PLPPR5: variants seen among roughly 807,000 people sequenced by gnomAD.
The protein encoded by PLPPR5 is phospholipid phosphatase-related protein type 5.
Under a neutral mutation model 33.9 loss-of-function variants are expected in PLPPR5, and 16 were observed. The observed-to-expected ratio is 0.47, with a 90% CI of 0.32 to 0.72. The LOEUF (loss-of-function observed/expected upper bound fraction) is 0.72. PLPPR5 is among the 30% of genes least tolerant of loss of function. The pLI, the probability that PLPPR5 is intolerant of heterozygous loss-of-function variation, is 0.03. For synonymous variants in PLPPR5, 163 were observed against 150.3 expected, an observed-to-expected ratio of 1.08 and a Z score of -0.62; for missense variants, 301 against 406.7, an observed-to-expected ratio of 0.74 and a Z score of 2.23.
At chr1:98,992,562 T>A (rs1021049269) in intron 1 of PLPPR5, among the ~76,000 whole-genome samples, 1 of 152,134 alleles carries the variant, frequency 6.6e-6, no homozygotes, top group Non-Finnish European at 1.5e-5. Context: ...TTATATCCAC[T>A]TGTAGCAAGT....
intron 3 of PLPPR5, among the ~76,000 whole-genome samples, chr1:98,940,058 A>T (rs1650317554): frequency 6.6e-6 from 1 of 151,922 alleles, no homozygotes. Context: ...AATGTAGTCT[A>T]ATATGGACTG....
intron 4 of PLPPR5, among the ~76,000 whole-genome samples, chr1:98,921,426 G>A (rs1649547995): frequency 1.3e-5 from 2 of 152,058 alleles, no homozygotes; most frequent in African/African-American, 4.8e-5. Context: ...AGGGGACTTT[G>A]GGATTCTCTC....
chr1:98,944,861 G>C (rs1056615322), intron 3 of PLPPR5, among the ~76,000 whole-genome samples: 4 of 152,176 alleles, frequency 2.6e-5, no homozygotes, highest in Non-Finnish European at 1.5e-5. Flanking sequence ...GCTCCAGTGG[G>C]AGCATCGCAA....
At chr1:98,973,054 C>G (rs977816083) in intron 1 of PLPPR5, among the ~76,000 whole-genome samples, 2 of 152,044 alleles carry the variant, frequency 1.3e-5, no homozygotes, top group African/African-American at 4.8e-5. Context: ...GAAGAGACAC[C>G]TGGATCTTTG....
intron 3 of PLPPR5, among the ~76,000 whole-genome samples, chr1:98,924,245 T>C (rs1385465017): frequency 6.6e-6 from 1 of 152,218 alleles, no homozygotes; most frequent in Non-Finnish European, 1.5e-5. Flanking sequence ...GTTACCTCCA[T>C]TTTATAGGTT....
At chr1:98,918,361 C>A (rs984628089) in intron 4 of PLPPR5, among the ~76,000 whole-genome samples, 2 of 152,178 alleles carry the variant, frequency 1.3e-5, no homozygotes, top group Non-Finnish European at 2.9e-5. Context: ...GTAAAGAGCA[C>A]AATAACTATT....
chr1:98,978,023 A>G (rs189662640), intron 1 of PLPPR5, among the ~76,000 whole-genome samples: 3 of 152,156 alleles, frequency 2.0e-5, no homozygotes, highest in Admixed American at 2.0e-4. Context: ...GACTTTAGAT[A>G]AAAGTCGTAA....
At chr1:98,966,404 G>T (rs967914805) in intron 1 of PLPPR5, among the ~76,000 whole-genome samples, 1 of 152,232 alleles carries the variant, frequency 6.6e-6, no homozygotes, top group African/African-American at 2.4e-5. Flanking sequence ...TGTAAATAGG[G>T]CTTAGGTTTT....
intron 1 of PLPPR5, among the ~76,000 whole-genome samples, chr1:98,990,170 A>G (rs1227867536): frequency 6.6e-6 from 1 of 152,108 alleles, no homozygotes; most frequent in Non-Finnish European, 1.5e-5. Context: ...GGAGTTTGAG[A>G]CCAGCCTGGC....
chr1:98,943,132 C>T (rs1449469190), intron 3 of PLPPR5, among the ~76,000 whole-genome samples: 4 of 152,068 alleles, frequency 2.6e-5, no homozygotes, highest in Admixed American at 6.6e-5. Flanking sequence ...CGGGGAGCCA[C>T]GAGACTACCT....
In PLPPR5 at chr1:98,951,655, G is replaced by A. The variant is rs374181958; in HGVS notation, c.621+1415C>T. On this transcript the variant is annotated intron_variant, in intron 3 of 5. Transcript: ENST00000263177. ...ATTATCCTGCCATTGTAAATGTTAC[G>A]TGTAATGCTGTATTTCCTTCCTAAA... 2.2e-4 allele frequency among the ~76,000 whole-genome samples: 33 copies of A among 152,258 alleles called. No individual in the cohort carries two copies. In the East Asian group the frequency reaches 4.6e-3, roughly 21 times the overall value.
At chr1:98,957,177 G>A (rs1472123872) in intron 1 of PLPPR5, among the ~76,000 whole-genome samples, 2 of 147,688 alleles carry the variant, frequency 1.4e-5, no homozygotes, top group Non-Finnish European at 3.0e-5. Context: ...CACACTCTGG[G>A]GACTGTTGTG....
rs1214385487 is a variant in PLPPR5, at chr1:98,899,655, C to CTTTTTTTTTTTTTTTTTTTTT, written c.934-6552_934-6551insAAAAAAAAAAAAAAAAAAAAA. Among the ~76,000 whole-genome samples the CTTTTTTTTTTTTTTTTTTTTT allele has an allele frequency of 2.2e-5, 3 of 138,568 alleles. 1 individual carries two copies. The allele number at this position is 138,568 out of a possible 152,430, so 90.9% of individuals were successfully genotyped here. On this transcript the variant is annotated intron_variant, in intron 5 of 5. Coordinates refer to ENST00000263177, the MANE Select transcript of PLPPR5 (RefSeq NM_001037317.2). ...CTTCAGAAAATACCTGTTTATTTCA[C>CTTTTTTTTTTTTTTTTTTTTT]TTGTTTTTTTTTTTTTTTTTTGAGA...
rs60624111 is a variant in PLPPR5, at chr1:98,928,548, C to CATATATAT, written c.622-6498_622-6491dup. 5.9e-3 allele frequency among the ~76,000 whole-genome samples: 439 copies of CATATATAT among 73,866 alleles called. 39 individuals carry two copies. The highest frequency in any genetic ancestry group is 8.8e-3 in the African/African-American group (218 of 24,794). The allele number at this position is 73,866 out of a possible 152,430, so 48.5% of individuals were successfully genotyped here. A position where few individuals can be genotyped will look rare whatever the true frequency, so the allele number is the denominator to read the frequency against. ...AAAAAACTATTAGAAAGTTTTAAAT[C>CATATATAT]ATATATATATATATATATATATATG... is the stretch of plus-strand genomic sequence containing the variant. On this transcript the variant is annotated intron_variant, in intron 3 of 5. Coordinates refer to ENST00000263177, the MANE Select transcript of PLPPR5 (RefSeq NM_001037317.2).
intron 5 of PLPPR5, among the ~76,000 whole-genome samples, chr1:98,898,942 G>A (rs930812154): frequency 1.6e-4 from 24 of 152,158 alleles, no homozygotes; most frequent in African/African-American, 5.1e-4. Context: ...CAGTTTTTAC[G>A]AGAGCATTAG....
rs1648886483 is a variant in PLPPR5, at chr1:98,906,123, T to C, written c.933+8663A>G. 2.0e-5 allele frequency among the ~76,000 whole-genome samples: 3 copies of C among 151,716 alleles called. No homozygotes were observed. In the South Asian group the frequency reaches 6.2e-4, roughly 31 times the overall value. ...ATATACAGTGTATGTATATATACAG[T>C]GTGTGTAATACTATATACCTAGTAT... is the stretch of plus-strand genomic sequence containing the variant. On this transcript the variant is annotated intron_variant, in intron 5 of 5. Coordinates refer to ENST00000263177, the MANE Select transcript of PLPPR5 (RefSeq NM_001037317.2).
intron 1 of PLPPR5, among the ~76,000 whole-genome samples, chr1:98,978,140 C>A (rs945508538): frequency 3.9e-5 from 6 of 152,048 alleles, no homozygotes; most frequent in Middle Eastern, 3.4e-3. Context: ...ACAATGAATT[C>A]TTGACTCTAT....
intron 5 of PLPPR5, among the ~76,000 whole-genome samples, chr1:98,898,125 T>G (rs978484238): frequency 2.0e-5 from 3 of 152,124 alleles, no homozygotes; most frequent in Admixed American, 2.0e-4. Flanking sequence ...TGCAAACTCA[T>G]TTGGTGGCAA....
chr1:98,951,595 A>T (rs992390162), intron 3 of PLPPR5, among the ~76,000 whole-genome samples: 2 of 152,328 alleles, frequency 1.3e-5, no homozygotes, highest in Admixed American at 6.5e-5. Context: ...TAAAAACTTT[A>T]AAAAATGTTA....
Sources: allele counts gnomAD v4.1 joint callset (sites outside exome capture counted in the v4.1 genomes callset), GRCh38; gene constraint gnomAD v4.1.1; transcripts MANE v1.5; gene names NCBI Gene and HGNC (gene_info 2026-07-23, HGNC 2026-07-21).